Variants in CSMD2 observed in about 807,000 individuals in gnomAD.
CSMD2 encodes the protein CUB and Sushi multiple domains 2.
CSMD2 carries 130 observed loss-of-function variants against 398.5 expected under a neutral mutation model. The ratio of observed to expected loss-of-function variants is 0.33; its 90% confidence interval spans 0.28 to 0.38. The LOEUF (loss-of-function observed/expected upper bound fraction) is 0.38, where lower values mean the gene tolerates loss of function less well. CSMD2 is among the 10% of genes least tolerant of loss of function. CSMD2 has a pLI of 1.00. For missense variants in CSMD2, 3,829 were observed against 4,764.9 expected, an observed-to-expected ratio of 0.80 and a Z score of 5.78; for synonymous variants, 1,828 against 1,908.5, an observed-to-expected ratio of 0.96 and a Z score of 1.10.
intron 11 of CSMD2, 128 bp downstream of exon 11, chr1:33,792,295 C>CTAGG (rs1427180104): frequency 1.4e-6 from 1 of 704,774 alleles, no homozygotes; most frequent in East Asian, 2.5e-5. Context: ...ATTGCTGAAA[C>CTAGG]TAGGAACATT....
intron 12 of CSMD2, among the ~76,000 whole-genome samples, chr1:33,780,997 A>G (rs1652686961): frequency 1.3e-5 from 2 of 152,174 alleles, no homozygotes; most frequent in Admixed American, 1.3e-4. Flanking sequence ...GGGAGTGGTG[A>G]GTGATGCTGG....
intron 7 of CSMD2, among the ~76,000 whole-genome samples, chr1:33,824,608 C>A (rs1462464045): frequency 6.6e-6 from 1 of 152,060 alleles, no homozygotes; most frequent in Non-Finnish European, 1.5e-5. Context: ...ACTCTATGCC[C>A]TTCTCTCCTC....
At chr1:33,668,675 A>G (rs1410561289) in intron 25 of CSMD2, among the ~76,000 whole-genome samples, 1 of 152,128 alleles carries the variant, frequency 6.6e-6, no homozygotes, top group African/African-American at 2.4e-5. Flanking sequence ...TCCCCTCCCC[A>G]TTGTACTGTG....
chr1:34,020,199 C>T (rs1648686714), intron 3 of CSMD2, among the ~76,000 whole-genome samples: 1 of 152,140 alleles, frequency 6.6e-6, no homozygotes. Context: ...AGGGAGAGGG[C>T]TTTGGGGCCA....
intron 3 of CSMD2, among the ~76,000 whole-genome samples, chr1:33,945,778 C>T (rs1040042386): frequency 6.6e-5 from 10 of 152,156 alleles, no homozygotes; most frequent in African/African-American, 2.4e-4. Context: ...TGAACCTCTC[C>T]AGCACCTGCC....
At chr1:34,051,275 T>C (rs1485953437) in intron 2 of CSMD2, among the ~76,000 whole-genome samples, 1 of 152,198 alleles carries the variant, frequency 6.6e-6, no homozygotes, top group Non-Finnish European at 1.5e-5. Flanking sequence ...TAAAGAACCA[T>C]GATCAGCTGT....
intron 10 of CSMD2, among the ~76,000 whole-genome samples, chr1:33,794,285 T>C (rs984113140): frequency 6.6e-6 from 1 of 152,168 alleles, no homozygotes; most frequent in Non-Finnish European, 1.5e-5. Flanking sequence ...GATGCATCTC[T>C]GGATAATAGT....
intron 5 of CSMD2, among the ~76,000 whole-genome samples, chr1:33,907,219 C>T (rs565979057): frequency 9.9e-4 from 148 of 149,524 alleles, no homozygotes; most frequent in Admixed American, 2.3e-3. Context: ...CCTGGCTTTG[C>T]GCCATTCTCC....
chr1:33,893,832 A>C (rs561667401), intron 5 of CSMD2, among the ~76,000 whole-genome samples: 75 of 152,156 alleles, frequency 4.9e-4, no homozygotes, highest in Non-Finnish European at 1.0e-3. Flanking sequence ...CATAGCCCTG[A>C]TTTTCCAAAT....
At chr1:33,675,857 C>G (rs1644690540) in intron 25 of CSMD2, among the ~76,000 whole-genome samples, 1 of 152,154 alleles carries the variant, frequency 6.6e-6, no homozygotes, top group South Asian at 2.1e-4. Flanking sequence ...AAGACAAAAA[C>G]CAGATGATTA....
intron 53 of CSMD2, among the ~76,000 whole-genome samples, chr1:33,565,429 C>T (rs1557544352): frequency 6.6e-6 from 1 of 151,852 alleles, no homozygotes; most frequent in Non-Finnish European, 1.5e-5. Context: ...GACACACAAC[C>T]TCTTCCTTAC....
intron 25 of CSMD2, among the ~76,000 whole-genome samples, chr1:33,666,076 C>A (rs928525275): frequency 6.6e-6 from 1 of 152,172 alleles, no homozygotes; most frequent in African/African-American, 2.4e-5. Context: ...TGTTTCTGGA[C>A]TCTTCTCTCA....
At chr1:33,936,833 C>G (rs1219592889) in intron 3 of CSMD2, among the ~76,000 whole-genome samples, 2 of 152,190 alleles carry the variant, frequency 1.3e-5, no homozygotes, top group Non-Finnish European at 2.9e-5. Flanking sequence ...AGGATACCCC[C>G]ATGGGGTGAG....
intron 3 of CSMD2, among the ~76,000 whole-genome samples, chr1:34,017,799 A>G (rs1210735184): frequency 6.6e-6 from 1 of 152,106 alleles, no homozygotes; most frequent in Non-Finnish European, 1.5e-5. Flanking sequence ...TATTACATGA[A>G]TTTCCTTCTT....
rs1408562405 is a variant in CSMD2 at position 34,163,891 on chromosome 1, G to C, written c.187+1020C>G. On this transcript the variant is annotated intron_variant, in intron 1 of 70. Coordinates refer to ENST00000373381, the MANE Select transcript of CSMD2 (RefSeq NM_001281956.2). The surrounding 1 kb of genome is among the most constrained non-coding windows in gnomAD (Gnocchi z 5.4). Reference sequence around the variant, plus strand: ...GGGGTGCTGTGGGTAAAGCGGGAGGGCACCAGTCGCGGCCAGTAGCCTCCA... The same window carrying C: ...GGGGTGCTGTGGGTAAAGCGGGAGGCCACCAGTCGCGGCCAGTAGCCTCCA... 1.3e-5 allele frequency among the ~76,000 whole-genome samples: 2 copies of C among 152,134 alleles called. No homozygotes were observed. Among genetic ancestry groups the C allele is most frequent in the African/African-American group, 4.8e-5 (2 of 41,442 alleles).
chr1:33,907,257 C>CTGCTGT (rs1643151948), intron 5 of CSMD2, among the ~76,000 whole-genome samples: 21 of 151,522 alleles, frequency 1.4e-4, no homozygotes, highest in Admixed American at 5.9e-4. Flanking sequence ...TAGCTGGGAC[C>CTGCTGT]ACAGGCGTCT....
At chr1:33,930,755 G>A (rs534894215) in intron 4 of CSMD2, among the ~76,000 whole-genome samples, 16 of 152,244 alleles carry the variant, frequency 1.1e-4, no homozygotes, top group East Asian at 1.9e-4. Flanking sequence ...TTTTGAAAAC[G>A]TGCCCAGTGT....
chr1:34,143,380 A>G (rs953842605), intron 1 of CSMD2, among the ~76,000 whole-genome samples: 1 of 152,078 alleles, frequency 6.6e-6, no homozygotes, highest in Non-Finnish European at 1.5e-5. Flanking sequence ...TCAGTTTAAC[A>G]TTGCCTCCTT....
chr1:33,929,439 T>G (rs1001808836), intron 4 of CSMD2, among the ~76,000 whole-genome samples: 1 of 144,134 alleles, frequency 6.9e-6, no homozygotes, highest in Admixed American at 6.8e-5. Flanking sequence ...ATACTTTTTT[T>G]TTTTTTTTTT....
Sources: allele counts gnomAD v4.1 joint callset (sites outside exome capture counted in the v4.1 genomes callset), GRCh38; gene constraint gnomAD v4.1.1; non-coding constraint Gnocchi (gnomAD v3.1); transcripts MANE v1.5; gene names NCBI Gene and HGNC (gene_info 2026-07-23, HGNC 2026-07-21).